KCNQ1: variants seen among roughly 807,000 people sequenced by gnomAD.
KCNQ1 encodes potassium voltage-gated channel subfamily KQT member 1.
KCNQ1 carries 49 observed loss-of-function variants against 72.4 expected under a neutral mutation model. The observed-to-expected ratio is 0.68, with a 90% CI of 0.54 to 0.86. KCNQ1 has a LOEUF of 0.86. Among genes scored for constraint, KCNQ1 ranks in the 40% least tolerant of loss-of-function variants. KCNQ1 has a pLI of 0.00. For missense variants in KCNQ1, 790 were observed against 945.1 expected (o/e 0.84, Z 2.15); for synonymous variants, 450 against 412.6 (o/e 1.09, Z -1.10).
chr11:2,557,000 C>A (rs997824522), intron 2 of KCNQ1, among the ~76,000 whole-genome samples: 4 of 152,216 alleles, frequency 2.6e-5, no homozygotes, highest in Non-Finnish European at 4.4e-5. Flanking sequence ...GCCTGAATTC[C>A]TCTTTGAAAG....
At position 2,601,589 on chromosome 11, in the gene KCNQ1, A is replaced by G. The variant is rs1178599213; in HGVS notation, c.1393+12735A>G. Among the ~76,000 whole-genome samples the G allele has an allele frequency of 6.6e-6, 1 of 151,988 alleles. No homozygotes were observed. The highest frequency in any genetic ancestry group is 1.5e-5 in the Non-Finnish European group (1 of 67,992). ...GACTTTCTCCCATCCCATCCCTCCAATCCCTGGTGACCACTCATCTGTTCT... is the reference window on the plus strand; with the variant it reads ...GACTTTCTCCCATCCCATCCCTCCAGTCCCTGGTGACCACTCATCTGTTCT... On this transcript the variant is annotated intron_variant, in intron 10 of 15. Coordinates refer to ENST00000155840, the MANE Select transcript of KCNQ1 (RefSeq NM_000218.3). This position sits in a 1 kb window ranked among gnomAD's most constrained non-coding sequence, Gnocchi z 5.2.
At chr11:2,502,038 A>G (rs1847022944) in intron 1 of KCNQ1, among the ~76,000 whole-genome samples, 1 of 152,228 alleles carries the variant, frequency 6.6e-6, no homozygotes. Context: ...TATAGAAGGA[A>G]CATACCTCAA....
Position 2,832,414 on chromosome 11 carries a change from C to T in KCNQ1, c.1795-15353C>T, listed in dbSNP as rs149543412. Among the ~76,000 whole-genome samples the T allele has an allele frequency of 1.4e-4, 22 of 152,272 alleles. No individual in the cohort carries two copies. The East Asian group carries it at 2.3e-3, about 16-fold the overall frequency. On this transcript the variant is annotated intron_variant, in intron 15 of 15. Coordinates refer to ENST00000155840, the MANE Select transcript of KCNQ1 (RefSeq NM_000218.3). ...CCTGGGAGTGGGGCCGTCAGAGCTC[C>T]GACCGCACAGGGTCATGGGGAGCAA...
intron 15 of KCNQ1, among the ~76,000 whole-genome samples, chr11:2,833,795 A>G (rs1848004640): frequency 6.6e-6 from 1 of 152,158 alleles, no homozygotes; most frequent in African/African-American, 2.4e-5. Flanking sequence ...GGAAGGTGGG[A>G]CAGGCAGCTG....
chr11:2,654,588 A>AG lies in KCNQ1; in HGVS notation c.1394-7368dup, dbSNP rs919614593. The AG allele has an allele frequency of 2.8e-4, 112 of 398,698 alleles. No individual in the cohort carries two copies. The highest frequency in any genetic ancestry group is 1.9e-3 in the African/African-American group (93 of 48,702). The allele number at this position is 398,698 out of a possible 1,614,324, so 24.7% of individuals were successfully genotyped here. A position where few individuals can be genotyped will look rare whatever the true frequency, so the allele number is the denominator to read the frequency against. On this transcript the variant is annotated intron_variant, in intron 10 of 15. Coordinates refer to ENST00000155840, the MANE Select transcript of KCNQ1 (RefSeq NM_000218.3). The surrounding 1 kb of genome is among the most constrained non-coding windows in gnomAD (Gnocchi z 6.4). ...TTTAATCAATCAGGAGGGGAAGGGC[A>AG]GGGGGTGAGTGGTTGGGTGAAGTTA...
intron 1 of KCNQ1, among the ~76,000 whole-genome samples, chr11:2,456,732 T>A (rs577435884): frequency 1.0e-3 from 119 of 119,596 alleles, no homozygotes; most frequent in African/African-American, 3.4e-3. Context: ...CCATCCTGGC[T>A]AACATGGTGA....
In KCNQ1 at chr11:2,592,042, G is replaced by A. The variant is rs75863300; in HGVS notation, c.1393+3188G>A. On this transcript the variant is annotated intron_variant, in intron 10 of 15. Transcript: ENST00000155840. This position sits in a 1 kb window ranked among gnomAD's most constrained non-coding sequence, Gnocchi z 5.2. ...ACAGCCACACTGAGTCCCCCGCAAA[G>A]TCAAACCCAGGCCTCGACCTTGTCT... 0.032 allele frequency among the ~76,000 whole-genome samples: 4,833 copies of A among 152,296 alleles called. 262 individuals are homozygous for A. Among genetic ancestry groups the A allele is most frequent in the African/African-American group, 0.11 (4,515 of 41,574 alleles).
chr11:2,844,571 G>A (rs1465165289), intron 15 of KCNQ1, among the ~76,000 whole-genome samples: 1 of 152,188 alleles, frequency 6.6e-6, no homozygotes, highest in Non-Finnish European at 1.5e-5. Context: ...AGGTGGCTGA[G>A]TGCCTCTCTA....
chr11:2,733,565 C>T (rs1845887447), intron 11 of KCNQ1, among the ~76,000 whole-genome samples: 1 of 151,986 alleles, frequency 6.6e-6, no homozygotes, highest in African/African-American at 2.4e-5. Context: ...TAGCAGGGGA[C>T]CCCCGAGGTT....
At position 2,559,386 on chromosome 11, in the gene KCNQ1, G is replaced by A. The variant is rs554505419; in HGVS notation, c.478-11242G>A. On this transcript the variant is annotated intron_variant, in intron 2 of 15. Coordinates refer to ENST00000155840, the MANE Select transcript of KCNQ1 (RefSeq NM_000218.3). The surrounding 1 kb of genome is among the most constrained non-coding windows in gnomAD (Gnocchi z 4.9). ...GGATCTTGTTGACACCCCGGGATGT[G>A]CCCTTGTGGCTACTTAGACGTAGAG... 1.3e-5 allele frequency among the ~76,000 whole-genome samples: 2 copies of A among 152,306 alleles called. No individual in the cohort carries two copies. Among genetic ancestry groups the A allele is most frequent in the Non-Finnish European group, 2.9e-5 (2 of 68,016 alleles).
rs532130498 is a variant in KCNQ1, at chr11:2,538,991, T to G, written c.477+10973T>G. ...CAGCGTCTTTCCTCCAGGGAGGCTG[T>G]GCAGAGGGAAGGCAGTGAGCCCCAC... On this transcript the variant is annotated intron_variant, in intron 2 of 15. Coordinates refer to ENST00000155840, the MANE Select transcript of KCNQ1 (RefSeq NM_000218.3). This position sits in a 1 kb window ranked among gnomAD's most constrained non-coding sequence, Gnocchi z 6.7. 2.0e-5 allele frequency among the ~76,000 whole-genome samples: 3 copies of G among 152,278 alleles called. No homozygotes were observed. In the South Asian group the frequency reaches 6.2e-4, roughly 32 times the overall value.
At chr11:2,806,233 G>A (rs564190759) in intron 15 of KCNQ1, among the ~76,000 whole-genome samples, 134 of 152,276 alleles carry the variant, frequency 8.8e-4, no homozygotes, top group Admixed American at 1.9e-3. Context: ...AATTTCTCCC[G>A]TAAGTGGTTC....
Position 2,817,263 on chromosome 11 carries a change from T to C in KCNQ1, c.1795-30504T>C, listed in dbSNP as rs1363780181. Among the ~76,000 whole-genome samples, 1 of 152,220 alleles carries C rather than the reference T, an allele frequency of 6.6e-6. No individual in the cohort carries two copies. Among genetic ancestry groups the C allele is most frequent in the African/African-American group, 2.4e-5 (1 of 41,462 alleles). ...GCAGGCTCGGATGCCAGCATTTTTG[T>C]GGTTGCAGTCAGATGTTTTTAACTA... On this transcript the variant is annotated intron_variant, in intron 15 of 15. Coordinates refer to ENST00000155840, the MANE Select transcript of KCNQ1 (RefSeq NM_000218.3). The surrounding 1 kb of genome is among the most constrained non-coding windows in gnomAD (Gnocchi z 6.1).
At position 2,611,902 on chromosome 11, in the gene KCNQ1, A is replaced by G. The variant is rs139492933; in HGVS notation, c.1393+23048A>G. 584 of 398,536 alleles carry G rather than the reference A, an allele frequency of 1.5e-3. 1 individual carries two copies. Among genetic ancestry groups the G allele is most frequent in the African/African-American group, 0.01 (501 of 48,746 alleles). The allele number at this position is 398,536 out of a possible 1,614,324, so 24.7% of individuals were successfully genotyped here. ...TAAAGTGTAATCTGGAGGTTACAAT[A>G]AGCAGCTTAAGCAAAAACAATCTGC... On this transcript the variant is annotated intron_variant, in intron 10 of 15. Transcript: ENST00000155840. This position sits in a 1 kb window ranked among gnomAD's most constrained non-coding sequence, Gnocchi z 5.3.
rs974690812 is a variant in KCNQ1 at position 2,603,657 on chromosome 11, C to T, written c.1393+14803C>T. On this transcript the variant is annotated intron_variant, in intron 10 of 15. Transcript: ENST00000155840. This position sits in a 1 kb window ranked among gnomAD's most constrained non-coding sequence, Gnocchi z 4.1. Reference sequence around the variant, plus strand: ...GGTCCTTTGTGACTGGTTACTTTCACTTAGCATCATGTTTTCAAGGTTTGT... The same window carrying T: ...GGTCCTTTGTGACTGGTTACTTTCATTTAGCATCATGTTTTCAAGGTTTGT... Among the ~76,000 whole-genome samples, 1 of 152,142 alleles carries T rather than the reference C, an allele frequency of 6.6e-6. No individual in the cohort carries two copies. Among genetic ancestry groups the T allele is most frequent in the African/African-American group, 2.4e-5 (1 of 41,410 alleles).
Position 2,483,751 on chromosome 11 carries a change from G to A in KCNQ1, c.386+38267G>A, listed in dbSNP as rs1846690601. Among the ~76,000 whole-genome samples the A allele has an allele frequency of 1.3e-5, 2 of 152,302 alleles. 1 individual carries two copies. Among genetic ancestry groups the A allele is most frequent in the Middle Eastern group, 6.8e-3 (2 of 294 alleles). On this transcript the variant is annotated intron_variant, in intron 1 of 15. Coordinates refer to ENST00000155840, the MANE Select transcript of KCNQ1 (RefSeq NM_000218.3). This position sits in a 1 kb window ranked among gnomAD's most constrained non-coding sequence, Gnocchi z 6.1. ...GAGTCCCTGTGGCAGGGCTGTGTGA[G>A]GTCAGCATGTCTTAGGGCGGGTTCA...
At position 2,762,936 on chromosome 11, in the gene KCNQ1, G is replaced by A. The variant is rs1406315624; in HGVS notation, c.1515-5908G>A. Among the ~76,000 whole-genome samples the A allele has an allele frequency of 6.6e-6, 1 of 151,996 alleles. No individual in the cohort carries two copies. Among genetic ancestry groups the A allele is most frequent in the African/African-American group, 2.4e-5 (1 of 41,356 alleles). ...TGTCTGCCCACACGCTCTTAATCAA[G>A]CCCTGTGGCCTCATGAAACCCTAGG... On this transcript the variant is annotated intron_variant, in intron 11 of 15. Transcript: ENST00000155840. The surrounding 1 kb of genome is among the most constrained non-coding windows in gnomAD (Gnocchi z 4.3).
chr11:2,843,561 C>G (rs116165534), intron 15 of KCNQ1, among the ~76,000 whole-genome samples: 1 of 152,250 alleles, frequency 6.6e-6, no homozygotes, highest in Non-Finnish European at 1.5e-5. Context: ...CTGGGAGCAG[C>G]GGGTGTGCCC....
In KCNQ1 at chr11:2,748,416, G is replaced by A. The variant is rs74049745; in HGVS notation, c.1515-20428G>A. On this transcript the variant is annotated intron_variant, in intron 11 of 15. Coordinates refer to ENST00000155840, the MANE Select transcript of KCNQ1 (RefSeq NM_000218.3). The surrounding 1 kb of genome is among the most constrained non-coding windows in gnomAD (Gnocchi z 6.2). ...ATGTGGTGAGGTGTGCTGGTGGGGA[G>A]GGTCCCTATCAGATGCCCCTGGGTA... is the stretch of plus-strand genomic sequence containing the variant. Among the ~76,000 whole-genome samples the A allele has an allele frequency of 0.059, 8,931 of 152,220 alleles. 587 individuals carry two copies. The highest frequency in any genetic ancestry group is 0.14 in the African/African-American group (5,997 of 41,520).
Sources: allele counts gnomAD v4.1 joint callset (sites outside exome capture counted in the v4.1 genomes callset), GRCh38; gene constraint gnomAD v4.1.1; non-coding constraint Gnocchi (gnomAD v3.1); transcripts MANE v1.5; gene names NCBI Gene and HGNC (gene_info 2026-07-23, HGNC 2026-07-21).